Variants in SCN9A observed in about 807,000 individuals in gnomAD.
The protein encoded by SCN9A is sodium voltage-gated channel alpha subunit 9, also known as sodium channel protein type 9 subunit alpha.
A neutral mutation model predicts 187.0 loss-of-function variants in SCN9A; 131 were observed. That is an observed-to-expected ratio of 0.70 (90% CI 0.61 to 0.81). SCN9A has a LOEUF of 0.81. Ranked by LOEUF, SCN9A falls within the 30% of genes least tolerant of loss-of-function variation. The pLI is 0.00. For synonymous variants in SCN9A, 809 were observed against 808.6 expected (o/e 1.00, Z -0.01); for missense variants, 2,252 against 2,396.6 (o/e 0.94, Z 1.26).
chr2:166,271,072 C>CA (rs1252907597), intron 17 of SCN9A, among the ~76,000 whole-genome samples: 2 of 151,394 alleles, frequency 1.3e-5, no homozygotes, highest in South Asian at 2.1e-4. Flanking sequence ...GAGGAGGGCA[C>CA]AAAAAAAGGT....
chr2:166,242,874 A>G (rs1695629692), intron 18 of SCN9A, among the ~76,000 whole-genome samples: 1 of 152,130 alleles, frequency 6.6e-6, no homozygotes, highest in South Asian at 2.1e-4. Context: ...GTTTTAGCTT[A>G]CAATGTATTC....
rs146761679 is a variant in SCN9A, at chr2:166,304,560, C to T, written c.597-231G>A. Among the ~76,000 whole-genome samples, 1,412 of 152,104 alleles carry T rather than the reference C, an allele frequency of 9.3e-3. 21 individuals are homozygous for T. Among genetic ancestry groups the T allele is most frequent in the African/African-American group, 0.031 (1,266 of 41,508 alleles). On this transcript the variant is annotated intron_variant, in intron 5 of 26. Coordinates refer to ENST00000642356, the MANE Select transcript of SCN9A (RefSeq NM_001365536.1). The stretch of plus-strand genomic sequence containing the variant: ...TAAATTGGATTCATACACTTAAATG[C>T]GTAAACAACTAAATGTTTCAATTGT...
chr2:166,366,881 AATT>A (rs1158973551), intron 1 of SCN9A, among the ~76,000 whole-genome samples: 1 of 152,224 alleles, frequency 6.6e-6, no homozygotes. Flanking sequence ...TGCATGCAAA[AATT>A]ATTATAAACA....
intron 1 of SCN9A, among the ~76,000 whole-genome samples, chr2:166,318,287 C>T (rs1699157587): frequency 6.6e-6 from 1 of 152,070 alleles, no homozygotes; most frequent in Non-Finnish European, 1.5e-5. Flanking sequence ...TGTATATACA[C>T]AGACCTTTCA....
chr2:166,312,589 T>C (rs938153079), intron 1 of SCN9A, among the ~76,000 whole-genome samples: 2 of 152,190 alleles, frequency 1.3e-5, no homozygotes, highest in Non-Finnish European at 2.9e-5. Flanking sequence ...TTCAATTTAC[T>C]TTTCCCAGAC....
Position 166,301,367 on chromosome 2 carries a change from CA to C in SCN9A, c.901+1722del, listed in dbSNP as rs375094785. ...TTTATCAGACAATGTCCACATAAGGCAAATGTCAAGCTATAAGCAATCAAGC... is the reference window on the plus strand; with the variant it reads ...TTTATCAGACAATGTCCACATAAGGCAATGTCAAGCTATAAGCAATCAAGC... On this transcript the variant is annotated intron_variant, in intron 7 of 26. Coordinates refer to ENST00000642356, the MANE Select transcript of SCN9A (RefSeq NM_001365536.1). The C allele has an allele frequency of 5.4e-3, 821 of 150,770 alleles. 73 individuals carry two copies. Among genetic ancestry groups the C allele is most frequent in the African/African-American group, 0.02 (783 of 40,150 alleles). The allele number at this position is 150,770 out of a possible 1,614,324, so 9.3% of individuals were successfully genotyped here. A position where few individuals can be genotyped will look rare whatever the true frequency, so the allele number is the denominator to read the frequency against.
At chr2:166,251,620 C>T (rs1696040837) in intron 18 of SCN9A, 145 bp downstream of exon 18, 2 of 792,494 alleles carry the variant, frequency 2.5e-6, no homozygotes, top group Non-Finnish European at 4.0e-6. Context: ...AGTGACTTGC[C>T]CTTAATCATC....
At chr2:166,318,978 G>A (rs1699175016) in intron 1 of SCN9A, among the ~76,000 whole-genome samples, 1 of 152,066 alleles carries the variant, frequency 6.6e-6, no homozygotes, top group Non-Finnish European at 1.5e-5. Context: ...AATAAACAAA[G>A]TAATGGCAGA....
At chr2:166,346,821 A>G (rs566982218) in intron 1 of SCN9A, among the ~76,000 whole-genome samples, 1 of 152,344 alleles carries the variant, frequency 6.6e-6, no homozygotes, top group Non-Finnish European at 1.5e-5. Context: ...TAAAGTATGT[A>G]ATTTGTGATA....
Position 166,273,372 on chromosome 2 carries a change from G to A in SCN9A, c.2875-497C>T, listed in dbSNP as rs373144183. Among the ~76,000 whole-genome samples, 4 of 152,154 alleles carry A rather than the reference G, an allele frequency of 2.6e-5. No homozygotes were observed. In the East Asian group the frequency reaches 5.8e-4, roughly 22 times the overall value. Reference sequence around the variant, plus strand: ...ATAAATGTCACTTGTTCTAACAAATGGAACACATAATACTTACAAAGTTCC... The same window carrying A: ...ATAAATGTCACTTGTTCTAACAAATAGAACACATAATACTTACAAAGTTCC... On this transcript the variant is annotated intron_variant, in intron 16 of 26. Coordinates refer to ENST00000642356, the MANE Select transcript of SCN9A (RefSeq NM_001365536.1).
At chr2:166,349,482 T>A (rs778300575) in intron 1 of SCN9A, among the ~76,000 whole-genome samples, 48 of 152,224 alleles carry the variant, frequency 3.2e-4, no homozygotes, top group Non-Finnish European at 5.0e-4. Context: ...TTGAACCATA[T>A]GTTTTACTAA....
Position 166,251,876 on chromosome 2 carries a change from G to A in SCN9A, c.3361C>T (p.Arg1121Trp), listed in dbSNP as rs190664764. The A allele has an allele frequency of 1.9e-3, 3,134 of 1,612,016 alleles. 33 individuals are homozygous for A. The highest frequency in any genetic ancestry group is 8.4e-4 in the Non-Finnish European group (996 of 1,178,864). The change falls in exon 18 of 27, where the codon CGG becomes TGG. Residue 1121 changes from arginine to tryptophan, a missense_variant. Coordinates refer to ENST00000642356, the MANE Select transcript of SCN9A (RefSeq NM_001365536.1). ...GTGCTGCACTCTGAGGAGCTTGACCGGTTTAATCTCTAGAAAGGAATTCAC... is the reference window on the plus strand; with the variant it reads ...GTGCTGCACTCTGAGGAGCTTGACCAGTTTAATCTCTAGAAAGGAATTCAC... Reference protein sequence around the residue: ...DSEYSKVRLNRSSSSECSTVD... With the variant: ...DSEYSKVRLNWSSSSECSTVD...
chr2:166,347,940 TA>T (rs1383330778), intron 1 of SCN9A, among the ~76,000 whole-genome samples: 1 of 152,000 alleles, frequency 6.6e-6, no homozygotes, highest in African/African-American at 2.4e-5. Flanking sequence ...CCAGATAAAA[TA>T]CATGGTGTCT....
chr2:166,369,542 A>T (rs981272970), intron 1 of SCN9A, among the ~76,000 whole-genome samples: 1 of 152,186 alleles, frequency 6.6e-6, no homozygotes, highest in African/African-American at 2.4e-5. Flanking sequence ...ACCATGAGCC[A>T]AGTTTGTAAA....
intron 17 of SCN9A, among the ~76,000 whole-genome samples, chr2:166,268,977 T>G (rs931198746): frequency 6.6e-6 from 1 of 151,914 alleles, no homozygotes; most frequent in African/African-American, 2.4e-5. Context: ...CTATGCTACA[T>G]GACTTAAAAA....
rs1698975849 is a variant in SCN9A, at chr2:166,311,918, C to T, written c.-50-112G>A. The T allele has an allele frequency of 1.2e-5, 7 of 588,556 alleles. No individual in the cohort carries two copies. The South Asian group carries it at 2.0e-4, about 17-fold the overall frequency. The allele number at this position is 588,556 out of a possible 1,614,324, so 36.5% of individuals were successfully genotyped here. A position where few individuals can be genotyped will look rare whatever the true frequency, so the allele number is the denominator to read the frequency against. ...TTTTAGTTTCAACTACAAAAGGTAA[C>T]ATGTTCTAGAATTATCAGCTTGTTA... On this transcript the variant is annotated intron_variant, in intron 1 of 26. Transcript: ENST00000642356.
At chr2:166,340,668 T>G (rs1025543890) in intron 1 of SCN9A, among the ~76,000 whole-genome samples, 10 of 151,572 alleles carry the variant, frequency 6.6e-5, no homozygotes, top group African/African-American at 2.4e-4. Context: ...TCACCCAGGC[T>G]GTAGTGCAGT....
At chr2:166,296,949 G>A (rs113049299) in intron 7 of SCN9A, among the ~76,000 whole-genome samples, 2,985 of 152,078 alleles carry the variant, frequency 0.02, 64 homozygotes, top group African/African-American at 0.057. Flanking sequence ...TGTAATGCCA[G>A]CACTTTGGGA....
chr2:166,350,152 T>C (rs900012652), intron 1 of SCN9A, among the ~76,000 whole-genome samples: 7 of 152,210 alleles, frequency 4.6e-5, no homozygotes, highest in Non-Finnish European at 8.8e-5. Flanking sequence ...CTTTCAACTA[T>C]GATGTCAATA....
Sources: gnomAD v4.1 joint callset for allele counts (sites outside exome capture counted in the v4.1 genomes callset) on GRCh38, gnomAD v4.1.1 for gene constraint, MANE v1.5 for transcripts, NCBI Gene and HGNC (gene_info 2026-07-23, HGNC 2026-07-21) for gene names.